The following MAST1 variants were observed in gnomAD, a reference collection of about 807,000 sequenced individuals.
MAST1 encodes the protein microtubule associated serine/threonine kinase 1.
A neutral mutation model predicts 124.6 loss-of-function variants in MAST1; 40 were observed. The ratio of observed to expected loss-of-function variants is 0.32; its 90% CI spans 0.25 to 0.42. MAST1 has a LOEUF of 0.42. MAST1 is among the 10% of genes least tolerant of loss of function. The probability of loss-of-function intolerance (pLI) is 1.00; values close to 1 mark genes in which losing one functional copy is unlikely to be tolerated. For missense variants in MAST1, 1,558 were observed against 2,181.9 expected (o/e 0.71, Z 5.70); for synonymous variants, 938 against 939.4 (o/e 1.00, Z 0.03).
Position 12,866,148 on chromosome 19 carries a change from G to A in MAST1, c.2029+46G>A. 3 of 1,610,994 alleles carry A rather than the reference G, an allele frequency of 1.9e-6. No individual in the cohort carries two copies. Among genetic ancestry groups the A allele is most frequent in the Non-Finnish European group, 2.5e-6 (3 of 1,179,294 alleles). On this transcript the variant is annotated intron_variant, in intron 17 of 25. Coordinates refer to ENST00000251472, the MANE Select transcript of MAST1 (RefSeq NM_014975.3). This position sits in a 1 kb window ranked among gnomAD's most constrained non-coding sequence, Gnocchi z 5.2. ...CGACCTGGGTCGAGGGGTGGGATCC[G>A]GGAAGAGGGACCCTGGGGTAAGTAA...
At chr19:12,858,847 T>C (rs1216480288) in intron 12 of MAST1, 108 bp downstream of exon 12, 1 of 1,000,276 alleles carries the variant, frequency 1.0e-6, no homozygotes, top group East Asian at 2.6e-5. Flanking sequence ...TCGGCCTGTA[T>C]GTTTATCCAT....
rs1195753843 is a variant in MAST1, at chr19:12,874,146, G to T, written c.3989G>T (p.Arg1330Leu). Reference protein sequence around the residue: ...LGAPRQVAVRRLGRQESPLSL... With the variant: ...LGAPRQVAVRLLGRQESPLSL... ...GCGCCCCGGCAGGTCGCCGTCCGCCGCCTGGGCCGACAGGAGTCACCTTTG... is the reference window on the plus strand; with the variant it reads ...GCGCCCCGGCAGGTCGCCGTCCGCCTCCTGGGCCGACAGGAGTCACCTTTG... Residue 1330 changes from arginine to leucine, a missense_variant, in exon 26 of 26, where the codon CGC (arginine) becomes CTC (leucine). Physicochemically the swap from Arg to Leu is moderately radical, Grantham distance 102. Transcript: ENST00000251472. The surrounding 1 kb of genome is among the most constrained non-coding windows in gnomAD (Gnocchi z 6.6). 2 of 1,540,494 alleles carry T rather than the reference G, an allele frequency of 1.3e-6. No individual in the cohort carries two copies. Among genetic ancestry groups the T allele is most frequent in the Non-Finnish European group, 1.7e-6 (2 of 1,145,674 alleles).
At chr19:12,867,356 C>T (rs1299331743) in intron 18 of MAST1, 118 bp from the exon 19 acceptor site, 10 of 1,161,276 alleles carry the variant, frequency 8.6e-6, no homozygotes, top group Admixed American at 3.8e-5. Context: ...CACAATTGGG[C>T]GGAGCCAGGC....
intron 4 of MAST1, among the ~76,000 whole-genome samples, chr19:12,846,313 A>G (rs1257091438): frequency 6.6e-6 from 1 of 151,956 alleles, no homozygotes. Context: ...TTCGCCTCCC[A>G]AAGTGCTGAG....
intron 12 of MAST1, among the ~76,000 whole-genome samples, chr19:12,861,805 C>T (rs1182934903): frequency 1.3e-5 from 2 of 151,260 alleles, no homozygotes; most frequent in Non-Finnish European, 2.9e-5. Flanking sequence ...CGGGTTCAAG[C>T]GATTCTCCTG....
chr19:12,851,232 G>A (rs1969955375), intron 7 of MAST1, among the ~76,000 whole-genome samples: 1 of 150,962 alleles, frequency 6.6e-6, no homozygotes, highest in Non-Finnish European at 1.5e-5. Context: ...ACAGGCGTGA[G>A]CCACTGTGCC....
At chr19:12,858,800 G>A (rs1450770968) in intron 12 of MAST1, 61 bp downstream of exon 12, 5 of 1,569,986 alleles carry the variant, frequency 3.2e-6, no homozygotes, top group East Asian at 2.3e-5. Flanking sequence ...AGGGCTGCGG[G>A]GTGGCCTGCC....
intron 12 of MAST1, among the ~76,000 whole-genome samples, chr19:12,863,871 C>G (rs1345380714): frequency 2.0e-5 from 3 of 151,618 alleles, no homozygotes; most frequent in Non-Finnish European, 2.9e-5. Flanking sequence ...CCTTTGAACC[C>G]AAGAGTTGGA....
In MAST1 at chr19:12,843,516, G is replaced by C; in HGVS notation, c.249-13G>C. 6.2e-7 allele frequency: 1 copy of C among 1,612,384 alleles called. No homozygotes were observed. Among genetic ancestry groups the C allele is most frequent in the African/African-American group, 1.3e-5 (1 of 74,998 alleles). On this transcript the variant is annotated splice_polypyrimidine_tract_variant and intron_variant, in intron 3 of 25. Coordinates refer to ENST00000251472, the MANE Select transcript of MAST1 (RefSeq NM_014975.3). The surrounding 1 kb of genome is among the most constrained non-coding windows in gnomAD (Gnocchi z 4.9). ...GGGCCTTGTGGCCTCTGAGCACCTTGGCTGGGTTCCAGGGCGGACGGACGC... is the reference window on the plus strand; with the variant it reads ...GGGCCTTGTGGCCTCTGAGCACCTTCGCTGGGTTCCAGGGCGGACGGACGC...
Position 12,858,636 on chromosome 19 carries a change from GGAGCGCGATATCCTCACCTTCGCC to G in MAST1, c.1267_1290del (p.Arg423_Glu430del), listed in dbSNP as rs1970044941. ...GCAACCAGATCCAGCAGGCCTTTGTGGAGCGCGATATCCTCACCTTCGCCGAGAACCCGTTTGTGGTCGGCATGT... is the reference window on the plus strand; with the variant it reads ...GCAACCAGATCCAGCAGGCCTTTGTGGAGAACCCGTTTGTGGTCGGCATGT... On this transcript the variant is annotated inframe_deletion, in exon 12 of 26. Transcript: ENST00000251472. The G allele has an allele frequency of 6.2e-7, 1 of 1,614,126 alleles. No homozygotes were observed. Among genetic ancestry groups the G allele is most frequent in the Non-Finnish European group, 8.5e-7 (1 of 1,180,050 alleles).
intron 10 of MAST1, 110 bp downstream of exon 10, chr19:12,852,505 C>T: frequency 9.8e-7 from 1 of 1,022,472 alleles, no homozygotes; most frequent in East Asian, 2.4e-5. Context: ...GTCCTACACT[C>T]TGAGCCTCAG....
intron 10 of MAST1, among the ~76,000 whole-genome samples, chr19:12,856,493 A>C (rs1012717534): frequency 6.6e-6 from 1 of 152,028 alleles, no homozygotes; most frequent in Non-Finnish European, 1.5e-5. Context: ...TAATAGAGAC[A>C]GGGTTTCACC....
chr19:12,851,150 G>A (rs991500148), intron 7 of MAST1, among the ~76,000 whole-genome samples: 2 of 151,946 alleles, frequency 1.3e-5, no homozygotes, highest in African/African-American at 4.8e-5. Context: ...GTTTTGCCAT[G>A]TTGGGCAGGC....
At chr19:12,870,795 C>T in intron 22 of MAST1, 29 bp from the exon 23 acceptor site, 1 of 1,573,530 alleles carries the variant, frequency 6.4e-7, no homozygotes, top group Non-Finnish European at 8.6e-7. Flanking sequence ...TCCCACTAAC[C>T]CTGTCCCTAT....
intron 24 of MAST1, 120 bp from the exon 25 acceptor site, chr19:12,873,204 T>C: frequency 3.2e-6 from 3 of 927,184 alleles, no homozygotes; most frequent in Non-Finnish European, 4.9e-6. Flanking sequence ...AGGTGGGTTG[T>C]AGCTGGAGAG....
At position 12,852,348 on chromosome 19, in the gene MAST1, C is replaced by G; in HGVS notation, c.1030C>G (p.Gln344Glu). 1 of 1,614,104 alleles carries G rather than the reference C, an allele frequency of 6.2e-7. No individual in the cohort carries two copies. The highest frequency in any genetic ancestry group is 1.3e-5 in the African/African-American group (1 of 75,034). The change falls in exon 10 of 26, where the codon CAG (glutamine) becomes GAG (glutamate). Residue 344 changes from glutamine to glutamate, a missense_variant. By Grantham distance (29) the Gln-to-Glu change is conservative. Transcript: ENST00000251472. ...CCTAGATGTGGTGCATCTGGAGGAA[C>G]AGGACAGTGGTGGTTCCAACACCCC... ...PFPDVVHLEEQDSGGSNTPEQ... is the reference protein window; with the variant it reads ...PFPDVVHLEEEDSGGSNTPEQ...
chr19:12,868,787 G>A lies in MAST1; in HGVS notation c.2711G>A (p.Arg904Gln), dbSNP rs1477286849. ...GDVAVEKRPS[R>Q]TGGKVIKSAS... is the part of the protein sequence containing the mutation. ...GTGGCAGTAGAGAAGAGGCCTTCTC[G>A]AACTGGGGGCAAAGTCATCAAATCA... The change falls in exon 21 of 26, where the codon CGA becomes CAA. Residue 904 changes from arginine (R) to glutamine (Q), a missense_variant. Transcript: ENST00000251472. 22 of 1,608,900 alleles carry A rather than the reference G, an allele frequency of 1.4e-5. No homozygotes were observed. The highest frequency in any genetic ancestry group is 1.7e-5 in the Non-Finnish European group (20 of 1,177,070).
rs747511097 is a variant in MAST1 at position 12,858,349 on chromosome 19, C to T, written c.1078-13C>T. ...ATGATGATGGTGGTGTGGTCTCCAT[C>T]TTTTTCCTGAAGGGCCGCAGCAGCA... On this transcript the variant is annotated splice_polypyrimidine_tract_variant and intron_variant, in intron 10 of 25. Coordinates refer to ENST00000251472, the MANE Select transcript of MAST1 (RefSeq NM_014975.3). 2.5e-6 allele frequency: 4 copies of T among 1,609,570 alleles called. No homozygotes were observed. In the Admixed American group the frequency reaches 6.7e-5, roughly 27 times the overall value.
At chr19:12,872,923 T>A (rs1053065710) in intron 24 of MAST1, among the ~76,000 whole-genome samples, 15 of 140,580 alleles carry the variant, frequency 1.1e-4, no homozygotes, top group Middle Eastern at 3.7e-3. Context: ...AAAAAAAAAA[T>A]GGTTTTGTTT....
Sources: gnomAD v4.1 joint callset for allele counts (sites outside exome capture counted in the v4.1 genomes callset) on GRCh38, gnomAD v4.1.1 for gene constraint, Gnocchi (gnomAD v3.1) non-coding constraint, MANE v1.5 for transcripts, NCBI Gene and HGNC (gene_info 2026-07-23, HGNC 2026-07-21) for gene names.